CADPS2: variants seen among roughly 807,000 people sequenced by gnomAD.
The protein encoded by CADPS2 is calcium-dependent secretion activator 2.
In CADPS2, 93 loss-of-function variants were observed where a neutral mutation model predicts 172.5. That is an observed-to-expected ratio of 0.54 (90% confidence interval 0.46 to 0.64). The LOEUF (loss-of-function observed/expected upper bound fraction) is 0.64, where lower values mean the gene tolerates loss of function less well. CADPS2 is among the 30% of genes least tolerant of loss of function. The pLI, the probability that CADPS2 is intolerant of heterozygous loss-of-function variation, is 0.00. For missense variants in CADPS2, 1,420 were observed against 1,565.9 expected, an observed-to-expected ratio of 0.91 and a Z score of 1.57; for synonymous variants, 546 against 555.2, an observed-to-expected ratio of 0.98 and a Z score of 0.23.
Position 122,886,081 on chromosome 7 carries a change from T to A in CADPS2, c.257A>T (p.Gln86Leu). 1 of 1,591,708 alleles carries A rather than the reference T, an allele frequency of 6.3e-7. No individual in the cohort carries two copies. The highest frequency in any genetic ancestry group is 8.5e-7 in the Non-Finnish European group (1 of 1,169,686). The change falls in exon 1 of 30, where the codon CAG becomes CTG. Residue 86 changes from glutamine (Q) to leucine (L), a missense_variant. Transcript: ENST00000449022. ...GCACCTCACGACGAAGACGTAGAGC[T>A]GCAGGCGGATCCTCCGCTCCTGCTC... ...DDEQERRIRL[Q>L]LYVFVVRCIA...
At chr7:122,417,483 T>C (rs975569281) in intron 17 of CADPS2, among the ~76,000 whole-genome samples, 1 of 152,200 alleles carries the variant, frequency 6.6e-6, no homozygotes, top group Non-Finnish European at 1.5e-5. Flanking sequence ...GAAGGCAGTA[T>C]GAGACACACT....
At chr7:122,675,056 T>A (rs2082253831) in intron 2 of CADPS2, among the ~76,000 whole-genome samples, 1 of 152,200 alleles carries the variant, frequency 6.6e-6, no homozygotes, top group Admixed American at 6.5e-5. Flanking sequence ...ACATTTTACT[T>A]CCTGATTCAT....
intron 17 of CADPS2, among the ~76,000 whole-genome samples, chr7:122,417,086 A>AT (rs571223522): frequency 1.6e-3 from 249 of 151,562 alleles, no homozygotes; most frequent in Admixed American, 4.5e-3. Flanking sequence ...CTTAAAGGGC[A>AT]TTTTTTTTTC....
At chr7:122,633,922 CT>C (rs557621408) in intron 3 of CADPS2, among the ~76,000 whole-genome samples, 147 of 152,200 alleles carry the variant, frequency 9.7e-4, no homozygotes, top group African/African-American at 3.4e-3. Context: ...TTATTGAAGG[CT>C]TTTTCTGCAT....
chr7:122,494,237 T>C (rs1340970862), intron 9 of CADPS2, among the ~76,000 whole-genome samples: 1 of 152,194 alleles, frequency 6.6e-6, no homozygotes, highest in East Asian at 1.9e-4. Context: ...TGGAGAACTC[T>C]TACTGATACA....
chr7:122,869,052 G>A (rs1819048129), intron 1 of CADPS2, among the ~76,000 whole-genome samples: 1 of 151,746 alleles, frequency 6.6e-6, no homozygotes, highest in African/African-American at 2.4e-5. Context: ...ATAACCTAAG[G>A]GAATTATGGA....
chr7:122,688,316 C>T (rs917274111), intron 2 of CADPS2, among the ~76,000 whole-genome samples: 1 of 152,162 alleles, frequency 6.6e-6, no homozygotes, highest in Non-Finnish European at 1.5e-5. Context: ...ATCTTGTAGG[C>T]GACCCACCCA....
At chr7:122,350,023 A>G (rs1339871735) in intron 27 of CADPS2, among the ~76,000 whole-genome samples, 8 of 152,256 alleles carry the variant, frequency 5.3e-5, no homozygotes. Context: ...TCAAAGCTTA[A>G]CTAGAAGCTA....
At chr7:122,386,390 T>A in intron 24 of CADPS2, 1 of 873,058 alleles carries the variant, frequency 1.1e-6, no homozygotes, top group Non-Finnish European at 1.6e-6. Context: ...AAAAAGTAAT[T>A]ACAATGGGAA....
At chr7:122,360,166 C>G (rs2039942971) in intron 27 of CADPS2, among the ~76,000 whole-genome samples, 1 of 152,026 alleles carries the variant, frequency 6.6e-6, no homozygotes, top group East Asian at 1.9e-4. Context: ...GAATTTAAAT[C>G]AAAAACTAAT....
intron 3 of CADPS2, among the ~76,000 whole-genome samples, chr7:122,632,488 T>C (rs12533063): frequency 0.17 from 26,530 of 152,228 alleles, 2,369 homozygotes; most frequent in Admixed American, 0.24. Flanking sequence ...CTCATGTTTT[T>C]TGGCCACTTG....
chr7:122,614,059 G>A (rs1443569761), intron 6 of CADPS2, among the ~76,000 whole-genome samples: 2 of 151,918 alleles, frequency 1.3e-5, no homozygotes, highest in African/African-American at 4.8e-5. Context: ...AAGATAAGAG[G>A]GAAGATGACT....
At chr7:122,664,756 T>C (rs777148234) in intron 2 of CADPS2, among the ~76,000 whole-genome samples, 4 of 152,122 alleles carry the variant, frequency 2.6e-5, no homozygotes, top group African/African-American at 4.8e-5. Flanking sequence ...ATGCTGTTAT[T>C]GAGCTTACAG....
chr7:122,327,323 C>T (rs1585030178), intron 28 of CADPS2, among the ~76,000 whole-genome samples: 1 of 152,172 alleles, frequency 6.6e-6, no homozygotes, highest in Non-Finnish European at 1.5e-5. Flanking sequence ...AATATGAGTA[C>T]AGTCAATTGA....
In CADPS2 at chr7:122,819,212, A is replaced by C. The variant is rs1802401491; in HGVS notation, c.339+66787T>G. The stretch of plus-strand genomic sequence containing the variant: ...TGCTACATGTGCCAGATATTTGGCC[A>C]CTGGGCCAAGGAATGCCCGCAGCCC... On this transcript the variant is annotated intron_variant, in intron 1 of 29. Coordinates refer to ENST00000449022, the MANE Select transcript of CADPS2 (RefSeq NM_017954.11). 2.0e-5 allele frequency among the ~76,000 whole-genome samples: 3 copies of C among 152,304 alleles called. No individual in the cohort carries two copies. In the South Asian group the frequency reaches 6.2e-4, roughly 32 times the overall value.
At chr7:122,437,081 G>A (rs1462215149) in intron 17 of CADPS2, among the ~76,000 whole-genome samples, 2 of 152,098 alleles carry the variant, frequency 1.3e-5, no homozygotes, top group South Asian at 4.2e-4. Flanking sequence ...CTTCCAATCT[G>A]TGTCAGAATA....
chr7:122,520,980 C>G (rs1252557969), intron 8 of CADPS2, among the ~76,000 whole-genome samples: 1 of 152,002 alleles, frequency 6.6e-6, no homozygotes, highest in East Asian at 1.9e-4. Flanking sequence ...ACTTATGAGT[C>G]TAGCGCTTTA....
chr7:122,878,127 G>A (rs1294306859), intron 1 of CADPS2, among the ~76,000 whole-genome samples: 2 of 151,800 alleles, frequency 1.3e-5, no homozygotes, highest in Non-Finnish European at 2.9e-5. Flanking sequence ...GTGGTGGTAC[G>A]TGCCTGTAAT....
chr7:122,344,038 G>A (rs968880917), intron 28 of CADPS2, among the ~76,000 whole-genome samples: 3 of 152,054 alleles, frequency 2.0e-5, no homozygotes, highest in African/African-American at 7.3e-5. Context: ...CTGAGTAAAG[G>A]GTAGAAACAT....
Sources: gnomAD v4.1 joint callset for allele counts (sites outside exome capture counted in the v4.1 genomes callset) on GRCh38, gnomAD v4.1.1 for gene constraint, MANE v1.5 for transcripts, NCBI Gene and HGNC (gene_info 2026-07-23, HGNC 2026-07-21) for gene names.